The following PTPRT variants were observed in gnomAD, a reference collection of about 807,000 sequenced individuals.
The protein encoded by PTPRT is protein tyrosine phosphatase receptor type T.
A neutral mutation model predicts 176.8 loss-of-function variants in PTPRT; 56 were observed. The observed-to-expected ratio is 0.32, with a 90% confidence interval of 0.26 to 0.40. The LOEUF (loss-of-function observed/expected upper bound fraction) is 0.40, where lower values mean the gene tolerates loss of function less well. PTPRT is among the 10% of genes least tolerant of loss of function. PTPRT has a pLI of 1.00. For synonymous variants in PTPRT, 783 were observed against 739.0 expected, an observed-to-expected ratio of 1.06 and a Z score of -0.96; for missense variants, 1,540 against 1,908.2, an observed-to-expected ratio of 0.81 and a Z score of 3.60.
intron 7 of PTPRT, among the ~76,000 whole-genome samples, chr20:42,514,523 C>T (rs2072024884): frequency 6.6e-6 from 1 of 152,106 alleles, no homozygotes; most frequent in South Asian, 2.1e-4. Context: ...TTGTATGTTG[C>T]AAATATTTTC....
the PTPRT span, among the ~76,000 whole-genome samples, chr20:42,053,605 G>A: frequency 6.6e-6 from 1 of 152,212 alleles, no homozygotes; most frequent in South Asian, 2.1e-4. Flanking sequence ...AAGATGCATG[G>A]AGGAGAGCTT....
At chr20:42,640,529 G>C (rs2074718965) in intron 7 of PTPRT, among the ~76,000 whole-genome samples, 1 of 152,044 alleles carries the variant, frequency 6.6e-6, no homozygotes, top group South Asian at 2.1e-4. Flanking sequence ...GCTGGGATTA[G>C]AGGTGTGCAT....
At chr20:42,632,385 T>G in intron 7 of PTPRT, among the ~76,000 whole-genome samples, 1 of 152,102 alleles carries the variant, frequency 6.6e-6, no homozygotes, top group African/African-American at 2.4e-5. Flanking sequence ...ATTACAGGCC[T>G]GGCTAATTTT....
chr20:42,658,688 T>C (rs1239410840), intron 7 of PTPRT, among the ~76,000 whole-genome samples: 1 of 152,202 alleles, frequency 6.6e-6, no homozygotes, highest in Non-Finnish European at 1.5e-5. Context: ...AACTTGCAAA[T>C]ATGAAATCTG....
intron 7 of PTPRT, among the ~76,000 whole-genome samples, chr20:42,620,674 G>A (rs545288316): frequency 1.7e-4 from 26 of 152,338 alleles, no homozygotes; most frequent in Admixed American, 3.3e-4. Context: ...TCTGAAAAGC[G>A]CAATATTCGG....
intron 2 of PTPRT, among the ~76,000 whole-genome samples, chr20:42,830,440 A>C (rs937564353): frequency 6.6e-6 from 1 of 152,222 alleles, no homozygotes; most frequent in African/African-American, 2.4e-5. Flanking sequence ...TATTCAAAGA[A>C]CATATCTCAA....
intron 1 of PTPRT, among the ~76,000 whole-genome samples, chr20:43,046,798 G>C (rs371607787): frequency 5.9e-5 from 9 of 152,112 alleles, no homozygotes; most frequent in Non-Finnish European, 1.0e-4. Flanking sequence ...GCAATCCCTC[G>C]AGAGATACAA....
intron 5 of PTPRT, among the ~76,000 whole-genome samples, chr20:42,757,541 A>T (rs931420123): frequency 1.2e-4 from 18 of 152,200 alleles, no homozygotes; most frequent in Non-Finnish European, 2.2e-4. Flanking sequence ...GTAAAAAGCC[A>T]CGTTCAGCTC....
At position 42,141,991 on chromosome 20, in the gene PTPRT, C is replaced by T. The variant is rs200204389; in HGVS notation, c.2694G>A (p.Glu898=). ...GFKEEYEALP[E]GQTASWDTAK... is the part of the protein sequence containing the mutation. The stretch of plus-strand genomic sequence containing the variant: ...CTGTGTCCCACGAAGCTGTCTGCCC[C>T]TCTGGTAAGGCCTAAAAAGCAAGGA... Residue 898 remains glutamate, a synonymous_variant, in exon 18 of 31, where the codon GAG becomes GAA. Transcript: ENST00000373187. The T allele has an allele frequency of 1.2e-6, 2 of 1,614,050 alleles. No homozygotes were observed. The highest frequency in any genetic ancestry group is 1.7e-6 in the Non-Finnish European group (2 of 1,179,928).
At chr20:42,962,748 T>A (rs1982064394) in intron 1 of PTPRT, among the ~76,000 whole-genome samples, 1 of 152,080 alleles carries the variant, frequency 6.6e-6, no homozygotes, top group Non-Finnish European at 1.5e-5. Context: ...ACCATTTACC[T>A]CCTCCCTCTG....
At chr20:42,989,313 C>G (rs1293489107) in intron 1 of PTPRT, among the ~76,000 whole-genome samples, 1 of 152,230 alleles carries the variant, frequency 6.6e-6, no homozygotes, top group Non-Finnish European at 1.5e-5. Flanking sequence ...TGGGATAGCA[C>G]AGTTCTTCAT....
intron 7 of PTPRT, among the ~76,000 whole-genome samples, chr20:42,592,769 ATG>A (rs2145762937): frequency 6.6e-6 from 1 of 152,210 alleles, no homozygotes; most frequent in Admixed American, 6.5e-5. Flanking sequence ...GGTTTCCATC[ATG>A]AGGCCTCTGA....
intron 9 of PTPRT, among the ~76,000 whole-genome samples, 173 bp from the exon 10 acceptor site, chr20:42,352,458 C>A (rs6016757): frequency 0.26 from 39,115 of 151,962 alleles, 5,154 homozygotes; most frequent in Middle Eastern, 0.31. Flanking sequence ...ATCCCAGCCT[C>A]CAAATACCCC....
chr20:42,675,599 TA>T (rs1347692730), intron 7 of PTPRT, among the ~76,000 whole-genome samples: 1 of 152,196 alleles, frequency 6.6e-6, no homozygotes, highest in East Asian at 1.9e-4. Flanking sequence ...TATTCACACA[TA>T]AGTGCTTAAC....
intron 2 of PTPRT, among the ~76,000 whole-genome samples, chr20:42,832,831 T>G (rs2078114283): frequency 7.0e-6 from 1 of 143,308 alleles, no homozygotes; most frequent in Admixed American, 7.1e-5. Context: ...AGGCCAGGCT[T>G]GGTGCCTCAC....
intron 6 of PTPRT, among the ~76,000 whole-genome samples, chr20:42,692,654 A>T (rs1201192936): frequency 6.6e-6 from 1 of 152,188 alleles, no homozygotes; most frequent in Non-Finnish European, 1.5e-5. Context: ...TAGCCAATGC[A>T]ATGAGGCAAG....
intron 12 of PTPRT, among the ~76,000 whole-genome samples, chr20:42,295,993 G>A (rs981317418): frequency 1.3e-5 from 2 of 152,224 alleles, no homozygotes; most frequent in Non-Finnish European, 2.9e-5. Context: ...GGAACTGTGA[G>A]TCAAACAAAT....
At chr20:43,071,175 G>A (rs186295823) in intron 1 of PTPRT, among the ~76,000 whole-genome samples, 40 of 152,160 alleles carry the variant, frequency 2.6e-4, no homozygotes, top group Admixed American at 5.2e-4. Flanking sequence ...ACATCCTTGC[G>A]GAGCTCCTAT....
Position 43,128,870 on chromosome 20 carries a change from C to T in PTPRT, c.88+60776G>A, listed in dbSNP as rs187041836. Among the ~76,000 whole-genome samples the T allele has an allele frequency of 4.6e-5, 7 of 152,302 alleles. No homozygotes were observed. In the East Asian group the frequency reaches 1.3e-3, roughly 29 times the overall value. ...CCACACTGTAAGCTGAGGGAAGATG[C>T]CCCAAGTCATTCTCAAACTATACCT... On this transcript the variant is annotated intron_variant, in intron 1 of 30. Transcript: ENST00000373187.
Sources: gnomAD v4.1 joint callset for allele counts (sites outside exome capture counted in the v4.1 genomes callset) on GRCh38, gnomAD v4.1.1 for gene constraint, MANE v1.5 for transcripts, NCBI Gene and HGNC (gene_info 2026-07-23, HGNC 2026-07-21) for gene names.